RBFOX1: variants seen among roughly 807,000 people sequenced by gnomAD.
RBFOX1 encodes RNA binding fox-1 homolog 1.
In RBFOX1, 8 loss-of-function variants were observed where a neutral mutation model predicts 57.7. The observed-to-expected ratio is 0.14, with a 90% CI of 0.08 to 0.25. The LOEUF (loss-of-function observed/expected upper bound fraction) is 0.25. Among genes scored for constraint, RBFOX1 ranks in the 10% least tolerant of loss-of-function variants. The probability of loss-of-function intolerance (pLI) is 1.00; values close to 1 mark genes in which losing one functional copy is unlikely to be tolerated. For synonymous variants in RBFOX1, 326 were observed against 222.4 expected, an observed-to-expected ratio of 1.47 and a Z score of -4.15; for missense variants, 611 against 548.5, an observed-to-expected ratio of 1.11 and a Z score of -1.14.
At chr16:5,768,394 G>A (rs2053861461) in intron 3 of RBFOX1, among the ~76,000 whole-genome samples, 1 of 152,198 alleles carries the variant, frequency 6.6e-6, no homozygotes, top group African/African-American at 2.4e-5. Context: ...TTATTAGAAA[G>A]TCTGGTTTCA....
rs537446993 is a variant in RBFOX1 at position 6,939,910 on chromosome 16, C to A, written c.-15-112147C>A. Among the ~76,000 whole-genome samples the A allele has an allele frequency of 2.7e-4, 41 of 152,244 alleles. 1 individual carries two copies. The South Asian group carries it at 5.6e-3, about 21-fold the overall frequency. On this transcript the variant is annotated intron_variant, in intron 3 of 15. Coordinates refer to ENST00000550418, the MANE Select transcript of RBFOX1 (RefSeq NM_018723.4). ...ATTATTCAATTTCACTCCATAAATG[C>A]ATAATTTAATCACAACTCTGGTTTA...
chr16:5,956,674 A>ATTTTTTTTTTT (rs1479571823), intron 4 of RBFOX1, among the ~76,000 whole-genome samples: 3 of 89,270 alleles, frequency 3.4e-5, no homozygotes, highest in Non-Finnish European at 5.8e-5. Context: ...ATATATATAT[A>ATTTTTTTTTTT]TATATTTTTT....
intron 3 of RBFOX1, among the ~76,000 whole-genome samples, chr16:6,975,091 C>T (rs912298708): frequency 6.6e-6 from 1 of 152,052 alleles, no homozygotes; most frequent in African/African-American, 2.4e-5. Flanking sequence ...GGGAAAACCT[C>T]AACAACACCT....
intron 2 of RBFOX1, among the ~76,000 whole-genome samples, chr16:6,620,726 C>G (rs2098217434): frequency 6.6e-6 from 1 of 152,186 alleles, no homozygotes; most frequent in Non-Finnish European, 1.5e-5. Flanking sequence ...ATGAAACCCT[C>G]TCTGCACATA....
chr16:6,760,057 A>T (rs1391232868), intron 3 of RBFOX1, among the ~76,000 whole-genome samples: 2 of 152,218 alleles, frequency 1.3e-5, no homozygotes, highest in African/African-American at 2.4e-5. Flanking sequence ...AAAGGTGAGC[A>T]TATGGCTCGG....
intron 1 of RBFOX1, among the ~76,000 whole-genome samples, chr16:6,244,803 C>T (rs985712374): frequency 5.3e-5 from 8 of 152,160 alleles, no homozygotes; most frequent in South Asian, 4.1e-4. Context: ...CCAACACACC[C>T]GGCAAACTTC....
At chr16:5,908,147 CAT>C (rs764804676) in intron 4 of RBFOX1, among the ~76,000 whole-genome samples, 3 of 142,318 alleles carry the variant, frequency 2.1e-5, no homozygotes, top group Non-Finnish European at 4.5e-5. Flanking sequence ...CATATATACA[CAT>C]ATATACACAT....
At chr16:6,542,782 G>A (rs1038808225) in intron 2 of RBFOX1, among the ~76,000 whole-genome samples, 8 of 151,984 alleles carry the variant, frequency 5.3e-5, no homozygotes, top group African/African-American at 1.7e-4. Flanking sequence ...GTGAACCACT[G>A]CGCCCGGCCG....
intron 5 of RBFOX1, among the ~76,000 whole-genome samples, chr16:7,524,697 T>G (rs890331368): frequency 2.0e-5 from 3 of 152,230 alleles, no homozygotes; most frequent in Non-Finnish European, 4.4e-5. Context: ...AAGAACTATT[T>G]AGAGAGCCAG....
At chr16:7,633,461 T>C (rs1185296806) in intron 11 of RBFOX1, among the ~76,000 whole-genome samples, 1 of 152,222 alleles carries the variant, frequency 6.6e-6, no homozygotes, top group Non-Finnish European at 1.5e-5. Context: ...TTCATTATAT[T>C]ATATTTTAAT....
rs189126501 is a variant in RBFOX1, at chr16:5,464,620, C to T, written c.220-2596C>T. ...GCTCTCTCAGTACAGTGTTCTCCTCCCCAGACTGTAGGGCGCCACGAGAGG... is the reference window on the plus strand; with the variant it reads ...GCTCTCTCAGTACAGTGTTCTCCTCTCCAGACTGTAGGGCGCCACGAGAGG... On this transcript the variant is annotated intron_variant, in intron 1 of 2. Coordinates refer to the RBFOX1 transcript ENST00000585867. Among the ~76,000 whole-genome samples the T allele has an allele frequency of 3.9e-3, 363 of 93,844 alleles. 3 individuals carry two copies. Among genetic ancestry groups the T allele is most frequent in the African/African-American group, 0.014 (348 of 25,036 alleles). 61.6% of individuals were successfully genotyped at this position (93,844 alleles called of 152,430 possible).
intron 3 of RBFOX1, among the ~76,000 whole-genome samples, chr16:6,923,058 T>A (rs1333756707): frequency 1.3e-5 from 2 of 152,192 alleles, no homozygotes; most frequent in Non-Finnish European, 2.9e-5. Context: ...CGGCTGTTTA[T>A]ACAAGAGCTG....
chr16:6,619,241 CTGT>C (rs2098190258), intron 2 of RBFOX1, among the ~76,000 whole-genome samples: 1 of 152,134 alleles, frequency 6.6e-6, no homozygotes. Flanking sequence ...TGGGCTAACA[CTGT>C]TGTTGCCAAA....
chr16:6,135,911 C>T (rs1258520097), intron 1 of RBFOX1, among the ~76,000 whole-genome samples: 1 of 150,708 alleles, frequency 6.6e-6, no homozygotes, highest in African/African-American at 2.4e-5. Context: ...TCTCCTGCCT[C>T]AGCCTCCCCA....
chr16:5,848,485 T>C (rs1379974055), intron 3 of RBFOX1, among the ~76,000 whole-genome samples: 2 of 152,102 alleles, frequency 1.3e-5, no homozygotes, highest in Non-Finnish European at 2.9e-5. Context: ...TAAAACTCCA[T>C]GGACTCCAGG....
chr16:5,790,313 T>G (rs946885801), intron 3 of RBFOX1, among the ~76,000 whole-genome samples: 2 of 152,134 alleles, frequency 1.3e-5, no homozygotes, highest in African/African-American at 2.4e-5. Context: ...GACACGTATA[T>G]GGGAAAGGCT....
rs535955564 is a variant in RBFOX1 at position 6,600,155 on chromosome 16, C to G, written c.-63-54448C>G. Among the ~76,000 whole-genome samples, 6 of 152,264 alleles carry G rather than the reference C, an allele frequency of 3.9e-5. No homozygotes were observed. The South Asian group carries it at 1.2e-3, about 32-fold the overall frequency. ...ACCCATCACCCAATTTAGTAGGACA[C>G]AGAATCAGATTATTATTACTTTTTG... On this transcript the variant is annotated intron_variant, in intron 2 of 15. Coordinates refer to ENST00000550418, the MANE Select transcript of RBFOX1 (RefSeq NM_018723.4).
intron 4 of RBFOX1, among the ~76,000 whole-genome samples, chr16:7,113,270 C>A (rs749086356): frequency 6.6e-6 from 1 of 152,154 alleles, no homozygotes; most frequent in Non-Finnish European, 1.5e-5. Flanking sequence ...ACCTCTGAGT[C>A]ATTTTGGGTA....
At chr16:5,951,805 G>A (rs2059525587) in intron 4 of RBFOX1, among the ~76,000 whole-genome samples, 1 of 151,156 alleles carries the variant, frequency 6.6e-6, no homozygotes, top group African/African-American at 2.4e-5. Flanking sequence ...AAAAGTTAAA[G>A]TTGTTAAAAG....
Sources: allele counts gnomAD v4.1 joint callset (sites outside exome capture counted in the v4.1 genomes callset), GRCh38; gene constraint gnomAD v4.1.1; transcripts MANE v1.5; gene names NCBI Gene and HGNC (gene_info 2026-07-23, HGNC 2026-07-21).